PRDM6: variants seen among roughly 807,000 people sequenced by gnomAD.
PRDM6 encodes PR/SET domain 6.
PRDM6 carries 25 observed loss-of-function variants against 60.8 expected under a neutral mutation model. That is an observed-to-expected ratio of 0.41 (90% CI 0.30 to 0.57). PRDM6 has a LOEUF of 0.57. Among genes scored for constraint, PRDM6 ranks in the 20% least tolerant of loss-of-function variants. The probability of loss-of-function intolerance (pLI) is 0.27; values close to 1 mark genes in which losing one functional copy is unlikely to be tolerated. For synonymous variants in PRDM6, 407 were observed against 357.4 expected, an observed-to-expected ratio of 1.14 and a Z score of -1.57; for missense variants, 839 against 821.3, an observed-to-expected ratio of 1.02 and a Z score of -0.26.
At chr5:123,162,282 T>G (rs1313226611) in intron 5 of PRDM6, among the ~76,000 whole-genome samples, 2 of 152,144 alleles carry the variant, frequency 1.3e-5, no homozygotes, top group African/African-American at 4.8e-5. Context: ...GAGTAGAGCA[T>G]TTTTGGGTCT....
chr5:123,091,125 C>G (rs1469024158), intron 2 of PRDM6, among the ~76,000 whole-genome samples: 2 of 152,156 alleles, frequency 1.3e-5, no homozygotes, highest in Non-Finnish European at 2.9e-5. Context: ...TGTGGGGGAA[C>G]CGGCGGGAGC....
chr5:123,091,831 G>T (rs1255569466), intron 2 of PRDM6, among the ~76,000 whole-genome samples: 6 of 152,162 alleles, frequency 3.9e-5, no homozygotes, highest in Non-Finnish European at 5.9e-5. Context: ...TTTTGAATAA[G>T]TTGCTTCTTG....
chr5:123,174,337 G>C (rs1256316460), intron 6 of PRDM6, among the ~76,000 whole-genome samples: 1 of 152,184 alleles, frequency 6.6e-6, no homozygotes, highest in African/African-American at 2.4e-5. Context: ...TGCCCATTCA[G>C]CCACTTACAG....
rs533319884 is a variant in PRDM6 at position 123,117,184 on chromosome 5, A to G, written c.900+17223A>G. Among the ~76,000 whole-genome samples, 20 of 151,740 alleles carry G rather than the reference A, an allele frequency of 1.3e-4. No individual in the cohort carries two copies. In the East Asian group the frequency reaches 3.7e-3, roughly 28 times the overall value. ...CTCCAGGACTGCCCGGCAACCCAAC[A>G]GTTCATTTAAATTTGGACCCAAGTC... is the stretch of plus-strand genomic sequence containing the variant. On this transcript the variant is annotated intron_variant, in intron 3 of 7. Transcript: ENST00000407847.
chr5:123,162,795 G>A (rs1236536079), intron 5 of PRDM6, among the ~76,000 whole-genome samples: 1 of 152,176 alleles, frequency 6.6e-6, no homozygotes, highest in South Asian at 2.1e-4. Flanking sequence ...CAGATCGTGT[G>A]GGGGAGATAT....
chr5:123,094,222 T>C (rs1020449666), intron 2 of PRDM6, among the ~76,000 whole-genome samples: 1 of 152,176 alleles, frequency 6.6e-6, no homozygotes, highest in African/African-American at 2.4e-5. Context: ...TGACCTTCCC[T>C]AATCCCTTCC....
chr5:123,168,645 C>T (rs1471050294), intron 5 of PRDM6, among the ~76,000 whole-genome samples: 4 of 152,216 alleles, frequency 2.6e-5, no homozygotes, highest in Admixed American at 2.6e-4. Flanking sequence ...TAAAGATTCT[C>T]CTGTGTGAGT....
Position 123,090,616 on chromosome 5 carries a change from C to T in PRDM6, c.592+10C>T, listed in dbSNP as rs537227647. On this transcript the variant is annotated intron_variant, in intron 2 of 7. Transcript: ENST00000407847. ...AGCGACCCCAACAACCGTACGTAGC[C>T]GCAGCCCGCGCGCTCTCTCCCGGGG... 4 of 1,515,542 alleles carry T rather than the reference C, an allele frequency of 2.6e-6. No homozygotes were observed. The highest frequency in any genetic ancestry group is 4.6e-4 in the Middle Eastern group (2 of 4,306). 93.9% of individuals were successfully genotyped at this position (1,515,542 alleles called of 1,614,324 possible). A position where few individuals can be genotyped will look rare whatever the true frequency, so the allele number is the denominator to read the frequency against.
At chr5:123,132,522 T>C (rs1174390975) in intron 3 of PRDM6, among the ~76,000 whole-genome samples, 2 of 152,150 alleles carry the variant, frequency 1.3e-5, no homozygotes, top group Non-Finnish European at 2.9e-5. Context: ...AGAGCAGGTA[T>C]ATCATCCCCA....
intron 3 of PRDM6, among the ~76,000 whole-genome samples, chr5:123,151,792 A>G (rs1277500193): frequency 1.3e-5 from 2 of 152,050 alleles, no homozygotes; most frequent in African/African-American, 4.8e-5. Context: ...TTGGGCCCCT[A>G]GAGGTGTCCT....
chr5:123,193,680 G>A lies in PRDM6; in HGVS notation c.*6479G>A, dbSNP rs1481115597. 1 of 152,154 alleles carries A rather than the reference G, an allele frequency of 6.6e-6. No individual in the cohort carries two copies. The highest frequency in any genetic ancestry group is 1.5e-5 in the Non-Finnish European group (1 of 68,042). 9.4% of individuals were successfully genotyped at this position (152,154 alleles called of 1,614,324 possible). ...GGCTCAGATCAGCAAAATTATTTTG[G>A]AAACTTAATGTCCCAAGTTAATTAT... On this transcript the variant is annotated 3_prime_UTR_variant, in exon 8 of 8. Transcript: ENST00000407847.
rs947879010 is a variant in PRDM6, at chr5:123,095,257, A to C, written c.593-4397A>C. Reference sequence around the variant, plus strand: ...TGGGTGGTGTCGGCGGCCACGCCTCATGTCAGAAGAGAGCCTTTCGTGGGC... The same window carrying C: ...TGGGTGGTGTCGGCGGCCACGCCTCCTGTCAGAAGAGAGCCTTTCGTGGGC... On this transcript the variant is annotated intron_variant, in intron 2 of 7. Coordinates refer to ENST00000407847, the MANE Select transcript of PRDM6 (RefSeq NM_001136239.4). Among the ~76,000 whole-genome samples, 3 of 152,236 alleles carry C rather than the reference A, an allele frequency of 2.0e-5. No individual in the cohort carries two copies. The South Asian group carries it at 6.2e-4, about 31-fold the overall frequency.
At chr5:123,140,073 T>G (rs957480432) in intron 3 of PRDM6, among the ~76,000 whole-genome samples, 3 of 152,158 alleles carry the variant, frequency 2.0e-5, no homozygotes, top group Non-Finnish European at 4.4e-5. Context: ...TTCAAAAATT[T>G]TCTAAGCACT....
At chr5:123,186,075 G>T (rs925343356) in intron 7 of PRDM6, among the ~76,000 whole-genome samples, 3 of 152,248 alleles carry the variant, frequency 2.0e-5, no homozygotes, top group Non-Finnish European at 4.4e-5. Flanking sequence ...TGTATTAGAT[G>T]CTGGGCCAGT....
chr5:123,157,864 T>G (rs1423778713), intron 4 of PRDM6, among the ~76,000 whole-genome samples: 1 of 152,270 alleles, frequency 6.6e-6, no homozygotes, highest in Admixed American at 6.5e-5. Context: ...CAATAATGTT[T>G]ATTGGCATGT....
chr5:123,159,382 G>A (rs1464519841), intron 4 of PRDM6, 132 bp from the exon 5 acceptor site: 3 of 965,294 alleles, frequency 3.1e-6, no homozygotes, highest in African/African-American at 1.7e-5. Flanking sequence ...ACAATCAGTT[G>A]GATGTAAATT....
intron 3 of PRDM6, among the ~76,000 whole-genome samples, chr5:123,115,692 A>T (rs1286998850): frequency 6.6e-6 from 1 of 152,222 alleles, no homozygotes; most frequent in Non-Finnish European, 1.5e-5. Flanking sequence ...TCATAAAACC[A>T]TGATAAGATT....
rs458625 is a variant in PRDM6, at chr5:123,187,283, C to A, written c.*82C>A. ...ACTTAAGCAAAACCAAAGATTTCCT[C>A]TGAGCAACTTTCAATCAGTCCCAGA... On this transcript the variant is annotated 3_prime_UTR_variant, in exon 8 of 8. Transcript: ENST00000407847. The A allele has an allele frequency of 9.3e-7, 1 of 1,079,070 alleles. No homozygotes were observed. Among genetic ancestry groups the A allele is most frequent in the East Asian group, 2.7e-5 (1 of 37,276 alleles). The allele number at this position is 1,079,070 out of a possible 1,614,324, so 66.8% of individuals were successfully genotyped here. A position where few individuals can be genotyped will look rare whatever the true frequency, so the allele number is the denominator to read the frequency against.
At position 123,188,624 on chromosome 5, in the gene PRDM6, T is replaced by A. The variant is rs1214211780; in HGVS notation, c.*1423T>A. The A allele has an allele frequency of 6.6e-6, 1 of 152,196 alleles. No individual in the cohort carries two copies. The highest frequency in any genetic ancestry group is 2.4e-5 in the African/African-American group (1 of 41,446). The allele number at this position is 152,196 out of a possible 1,614,324, so 9.4% of individuals were successfully genotyped here. A position where few individuals can be genotyped will look rare whatever the true frequency, so the allele number is the denominator to read the frequency against. On this transcript the variant is annotated 3_prime_UTR_variant, in exon 8 of 8. Coordinates refer to ENST00000407847, the MANE Select transcript of PRDM6 (RefSeq NM_001136239.4). ...GTGTTTAATAACAACAGTTTCTGTT[T>A]GTAAATTTCATCATCACCTGATATC...
Sources: allele counts gnomAD v4.1 joint callset (sites outside exome capture counted in the v4.1 genomes callset), GRCh38; gene constraint gnomAD v4.1.1; transcripts MANE v1.5; gene names NCBI Gene and HGNC (gene_info 2026-07-23, HGNC 2026-07-21).